The following TRIP11 variants were observed in gnomAD, a reference collection of about 807,000 sequenced individuals.
TRIP11 encodes thyroid receptor-interacting protein 11.
TRIP11 carries 148 observed loss-of-function variants against 223.1 expected under a neutral mutation model. The observed-to-expected ratio is 0.66, with a 90% CI of 0.58 to 0.76. The LOEUF is 0.76. Among genes scored for constraint, TRIP11 ranks in the 30% least tolerant of loss-of-function variants. The pLI, the probability that TRIP11 is intolerant of heterozygous loss-of-function variation, is 0.00. For synonymous variants in TRIP11, 762 were observed against 772.6 expected (o/e 0.99, Z 0.23); for missense variants, 2,043 against 2,222.0 (o/e 0.92, Z 1.62).
intron 14 of TRIP11, among the ~76,000 whole-genome samples, chr14:91,994,791 A>G (rs955425627): frequency 6.6e-6 from 1 of 152,180 alleles, no homozygotes; most frequent in African/African-American, 2.4e-5. Flanking sequence ...GAAAAGGTAT[A>G]TTTGTTTCTC....
rs868167526 is a variant in TRIP11 at position 91,988,329 on chromosome 14, G to T, written c.5215C>A (p.Gln1739Lys). The change falls in exon 16 of 21, where the codon CAG becomes AAG. Residue 1739 changes from glutamine to lysine, a missense_variant. Gln to Lys is a moderately conservative substitution (Grantham distance 53). Coordinates refer to ENST00000267622, the MANE Select transcript of TRIP11 (RefSeq NM_004239.4). ...ALDSASRLTE[Q>K]LDVKEEQIEE... is the part of the protein sequence containing the mutation. The stretch of plus-strand genomic sequence containing the variant: ...ATTTGTTCTTCTTTTACATCTAACT[G>T]TTCTGTAAGTCTTGATGCTGAATCC... 3.7e-6 allele frequency: 6 copies of T among 1,613,690 alleles called. No homozygotes were observed. The Middle Eastern group carries it at 6.8e-4, about 182-fold the overall frequency.
At chr14:92,016,945 C>T (rs565804543) in intron 5 of TRIP11, among the ~76,000 whole-genome samples, 1 of 152,260 alleles carries the variant, frequency 6.6e-6, no homozygotes, top group South Asian at 2.1e-4. Context: ...ATATATGCAA[C>T]TAAGACTTTT....
At position 92,004,367 on chromosome 14, in the gene TRIP11, T is replaced by C; in HGVS notation, c.3609A>G (p.Gln1203=). ...GNEAGGVNSN[Q]FEELLQERDK... is the part of the protein sequence containing the mutation. ...CACGTTCCTGTAGAAGCTCCTCAAATTGATTACTATTAACACCTCCAGCCT... is the reference window on the plus strand; with the variant it reads ...CACGTTCCTGTAGAAGCTCCTCAAACTGATTACTATTAACACCTCCAGCCT... Residue 1203 remains glutamine, a synonymous_variant, in exon 11 of 21, where the codon CAA becomes CAG. Transcript: ENST00000267622. 3 of 1,614,104 alleles carry C rather than the reference T, an allele frequency of 1.9e-6. No individual in the cohort carries two copies. The highest frequency in any genetic ancestry group is 2.5e-6 in the Non-Finnish European group (3 of 1,180,020).
At position 92,007,780 on chromosome 14, in the gene TRIP11, T is replaced by C. The variant is rs767796073; in HGVS notation, c.1387A>G (p.Ile463Val). 1.2e-6 allele frequency: 2 copies of C among 1,613,688 alleles called. No individual in the cohort carries two copies. Among genetic ancestry groups the C allele is most frequent in the Non-Finnish European group, 1.7e-6 (2 of 1,179,922 alleles). Residue 463 changes from isoleucine (I) to valine (V), a missense_variant, in exon 10 of 21, where the codon ATA becomes GTA. Coordinates refer to ENST00000267622, the MANE Select transcript of TRIP11 (RefSeq NM_004239.4). The stretch of plus-strand genomic sequence containing the variant: ...TCATGTAATTCTGAATCCAAACTTA[T>C]GTCTCTTGTAGCTGTACTTTTAATT... ...EVIKSTATRDISLDSELHDLR... is the reference protein window; with the variant it reads ...EVIKSTATRDVSLDSELHDLR...
rs2056493763 is a variant in TRIP11, at chr14:91,978,311, C to T, written c.5261-2122G>A. On this transcript the variant is annotated intron_variant, in intron 16 of 20. Transcript: ENST00000267622. The surrounding 1 kb of genome is among the most constrained non-coding windows in gnomAD (Gnocchi z 4.4). ...GGGCATGGTCTTCTCCTCCTTCCTC[C>T]TCCATTCCTCCCCAAGGCTACAGAA... Among the ~76,000 whole-genome samples the T allele has an allele frequency of 6.6e-6, 1 of 152,096 alleles. No homozygotes were observed. The highest frequency in any genetic ancestry group is 1.5e-5 in the Non-Finnish European group (1 of 68,016).
intron 3 of TRIP11, 34 bp from the exon 4 acceptor site, chr14:92,021,865 A>G (rs1247168871): frequency 6.2e-7 from 1 of 1,602,042 alleles, no homozygotes; most frequent in Non-Finnish European, 8.5e-7. Context: ...TAGAGAAGGT[A>G]CTTTAAAACA....
intron 11 of TRIP11, among the ~76,000 whole-genome samples, chr14:92,000,922 G>A (rs896437347): frequency 9.3e-5 from 14 of 150,468 alleles, no homozygotes; most frequent in South Asian, 8.4e-4. Flanking sequence ...GTGCAGTGGC[G>A]CGATCTCGGT....
At chr14:91,998,139 A>G (rs1405773264) in intron 13 of TRIP11, among the ~76,000 whole-genome samples, 2 of 152,206 alleles carry the variant, frequency 1.3e-5, no homozygotes, top group Non-Finnish European at 2.9e-5. Flanking sequence ...AGAAATGATT[A>G]TCTCATTTTA....
rs752458517 is a variant in TRIP11, at chr14:91,972,880, G to T, written c.5575-19C>A. 1 of 1,593,102 alleles carries T rather than the reference G, an allele frequency of 6.3e-7. No individual in the cohort carries two copies. Among genetic ancestry groups the T allele is most frequent in the Non-Finnish European group, 8.6e-7 (1 of 1,165,316 alleles). On this transcript the variant is annotated intron_variant, in intron 19 of 20. Transcript: ENST00000267622. Reference sequence around the variant, plus strand: ...AAAAAGACTAAGAAAAAATATTTTGGTTATATTAGGCTAGATAATTAAGTT... The same window carrying T: ...AAAAAGACTAAGAAAAAATATTTTGTTTATATTAGGCTAGATAATTAAGTT...
Position 92,003,916 on chromosome 14 carries a change from T to C in TRIP11, c.4060A>G (p.Lys1354Glu). The change falls in exon 11 of 21, where the codon AAA becomes GAA. Residue 1354 changes from lysine (K) to glutamate (E), a missense_variant. Lys to Glu is a moderately conservative substitution (Grantham distance 56). Coordinates refer to ENST00000267622, the MANE Select transcript of TRIP11 (RefSeq NM_004239.4). ...LLQQELEELR[K>E]SLQEKDATIR... ...GTTGCATCTTTTTCCTGTAGTGATT[T>C]TCTTAGCTCTTCTAACTCTTGCTGA... The C allele has an allele frequency of 6.2e-7, 1 of 1,614,148 alleles. No homozygotes were observed. The highest frequency in any genetic ancestry group is 8.5e-7 in the Non-Finnish European group (1 of 1,180,038).
intron 16 of TRIP11, among the ~76,000 whole-genome samples, chr14:91,977,495 T>A (rs2056480912): frequency 1.3e-5 from 2 of 150,114 alleles, no homozygotes; most frequent in Admixed American, 1.3e-4. Flanking sequence ...CATTATATGG[T>A]GAAGAAACTA....
chr14:91,970,687 C>A (rs943727749), intron 20 of TRIP11, among the ~76,000 whole-genome samples: 2 of 151,924 alleles, frequency 1.3e-5, no homozygotes, highest in Admixed American at 1.3e-4. Context: ...ATAAGAGGAA[C>A]GAATAGGGAA....
intron 11 of TRIP11, 106 bp from the exon 12 acceptor site, chr14:92,000,214 G>A: frequency 2.0e-6 from 3 of 1,513,660 alleles, no homozygotes; most frequent in Admixed American, 3.8e-5. Flanking sequence ...TTTAAATAGG[G>A]CAGCCTCCCG....
chr14:91,968,540 C>T lies in TRIP11; in HGVS notation c.*1133G>A, dbSNP rs532167152. The T allele has an allele frequency of 2.2e-4, 47 of 215,932 alleles. No individual in the cohort carries two copies. Among genetic ancestry groups the T allele is most frequent in the African/African-American group, 8.8e-4 (39 of 44,394 alleles). 13.4% of individuals were successfully genotyped at this position (215,932 alleles called of 1,614,324 possible). On this transcript the variant is annotated 3_prime_UTR_variant, in exon 21 of 21. Coordinates refer to ENST00000267622, the MANE Select transcript of TRIP11 (RefSeq NM_004239.4). The stretch of plus-strand genomic sequence containing the variant: ...TCAGTGATTTTGCTAATTATACTTA[C>T]GTAGATGCAGCTGTATGGTTTAATG...
At chr14:92,020,008 T>G (rs2057089452) in intron 4 of TRIP11, among the ~76,000 whole-genome samples, 1 of 152,126 alleles carries the variant, frequency 6.6e-6, no homozygotes, top group South Asian at 2.1e-4. Context: ...CTCATGTCTG[T>G]AATCCCAACA....
At position 91,988,298 on chromosome 14, in the gene TRIP11, T is replaced by G. The variant is rs2273183; in HGVS notation, c.5246A>C (p.Glu1749Ala). 2,477 of 1,612,194 alleles carry G rather than the reference T, an allele frequency of 1.5e-3. 24 individuals carry two copies. Among genetic ancestry groups the G allele is most frequent in the East Asian group, 0.015 (657 of 44,834 alleles). The part of the protein sequence containing the change: ...QLDVKEEQIE[E>A]LKRQNELRQE... ...AAAAAACCTACTTTGTCTTTTAAGTTCTTCAATTTGTTCTTCTTTTACATC... is the reference window on the plus strand; with the variant it reads ...AAAAAACCTACTTTGTCTTTTAAGTGCTTCAATTTGTTCTTCTTTTACATC... The change falls in exon 16 of 21, where the codon GAA (glutamate) becomes GCA (alanine). Residue 1749 changes from glutamate to alanine, a missense_variant. By Grantham distance (107) the Glu-to-Ala change is moderately radical (BLOSUM62 -1). Transcript: ENST00000267622.
chr14:92,015,786 G>C lies in TRIP11; in HGVS notation c.733C>G (p.Gln245Glu). The C allele has an allele frequency of 6.2e-7, 1 of 1,613,468 alleles. No homozygotes were observed. Among genetic ancestry groups the C allele is most frequent in the Non-Finnish European group, 8.5e-7 (1 of 1,179,862 alleles). ...EMSVLQNAHQ[Q>E]KLTEISRRHR... ...CGTCGACTTATTTCTGTCAATTTCT[G>C]TTGGTGTGCATTCTGCAGTACTGAC... Residue 245 changes from glutamine to glutamate, a missense_variant, in exon 6 of 21, where the codon CAG becomes GAG. Coordinates refer to ENST00000267622, the MANE Select transcript of TRIP11 (RefSeq NM_004239.4).
At position 91,995,304 on chromosome 14, in the gene TRIP11, C is replaced by A. The variant is rs780203407; in HGVS notation, c.5056+48G>T. The A allele has an allele frequency of 3.7e-6, 6 of 1,609,018 alleles. No individual in the cohort carries two copies. In the African/African-American group the frequency reaches 8.0e-5, roughly 22 times the overall value. ...ATAGCTCTCAAATTAGGCAAAATTA[C>A]CAATAACTACAATTTTTCTTCATTG... On this transcript the variant is annotated intron_variant, in intron 14 of 20. Transcript: ENST00000267622.
At chr14:91,988,498 A>G (rs1410703216) in intron 15 of TRIP11, 115 bp from the exon 16 acceptor site, 2 of 881,460 alleles carry the variant, frequency 2.3e-6, no homozygotes, top group East Asian at 2.6e-5. Context: ...CTGCACCTCT[A>G]TGACCTTGGG....
Sources: gnomAD v4.1 joint callset for allele counts (sites outside exome capture counted in the v4.1 genomes callset) on GRCh38, gnomAD v4.1.1 for gene constraint, Gnocchi (gnomAD v3.1) non-coding constraint, MANE v1.5 for transcripts, NCBI Gene and HGNC (gene_info 2026-07-23, HGNC 2026-07-21) for gene names.